KAT6B: variants seen among roughly 807,000 people sequenced by gnomAD.
KAT6B encodes the protein lysine acetyltransferase 6B.
KAT6B carries 10 observed loss-of-function variants against 187.5 expected under a neutral mutation model. The ratio of observed to expected loss-of-function variants is 0.05; its 90% CI spans 0.03 to 0.09. The LOEUF is 0.09. Ranked by LOEUF, KAT6B falls within the 10% of genes least tolerant of loss-of-function variation. The pLI, the probability that KAT6B is intolerant of heterozygous loss-of-function variation, is 1.00. For synonymous variants in KAT6B, 861 were observed against 926.8 expected (o/e 0.93, Z 1.29); for missense variants, 1,952 against 2,558.9 (o/e 0.76, Z 5.12).
Position 75,031,091 on chromosome 10 carries a change from T to C in KAT6B, c.*45T>C, listed in dbSNP as rs886047246. 13 of 1,607,828 alleles carry C rather than the reference T, an allele frequency of 8.1e-6. No individual in the cohort carries two copies. Among genetic ancestry groups the C allele is most frequent in the Middle Eastern group, 3.3e-4 (2 of 6,058 alleles). On this transcript the variant is annotated 3_prime_UTR_variant, in exon 18 of 18. Transcript: ENST00000287239. The stretch of plus-strand genomic sequence containing the variant: ...AAACCTACGGGGCATCACTATTGGA[T>C]TGATCTGCACAAATACCTTTGAAGA...
chr10:74,966,672 G>A lies in KAT6B; in HGVS notation c.731-2988G>A, dbSNP rs550622490. On this transcript the variant is annotated intron_variant, in intron 4 of 17. Transcript: ENST00000287239. ...ATCTGATAAATTGCAAAATACAATA[G>A]TAAAACAAACTCCAGAAAGACAAAG... is the stretch of plus-strand genomic sequence containing the variant. Among the ~76,000 whole-genome samples, 3 of 152,302 alleles carry A rather than the reference G, an allele frequency of 2.0e-5. 1 individual carries two copies. Among genetic ancestry groups the A allele is most frequent in the African/African-American group, 7.2e-5 (3 of 41,568 alleles).
intron 3 of KAT6B, among the ~76,000 whole-genome samples, chr10:74,907,309 G>A (rs374130523): frequency 1.6e-4 from 24 of 152,268 alleles, no homozygotes; most frequent in African/African-American, 5.3e-4. Context: ...TTAGAGACTA[G>A]CCAGTACAGA....
intron 17 of KAT6B, 120 bp downstream of exon 17, chr10:75,025,369 G>A (rs1845743739): frequency 1.1e-6 from 1 of 950,768 alleles, no homozygotes; most frequent in Non-Finnish European, 1.6e-6. Flanking sequence ...GATGCACCTG[G>A]AGCAAGTGCC....
At chr10:74,904,050 A>G (rs1389113839) in intron 3 of KAT6B, among the ~76,000 whole-genome samples, 2 of 152,186 alleles carry the variant, frequency 1.3e-5, no homozygotes, top group African/African-American at 4.8e-5. Context: ...ATGGCATCCA[A>G]ACCATGAGTT....
At chr10:75,006,290 T>G (rs2134012182) in intron 13 of KAT6B, among the ~76,000 whole-genome samples, 1 of 152,288 alleles carries the variant, frequency 6.6e-6, no homozygotes, top group Admixed American at 6.5e-5. Flanking sequence ...AAGTTCATAA[T>G]GATACTAAAA....
chr10:74,854,669 C>T (rs1205874697), intron 3 of KAT6B, among the ~76,000 whole-genome samples: 4 of 152,052 alleles, frequency 2.6e-5, no homozygotes, highest in Non-Finnish European at 5.9e-5. Context: ...ATTCTTTAGC[C>T]ACTATTTTTT....
At chr10:74,924,915 G>A (rs1393190742) in intron 3 of KAT6B, among the ~76,000 whole-genome samples, 1 of 151,302 alleles carries the variant, frequency 6.6e-6, no homozygotes, top group African/African-American at 2.4e-5. Flanking sequence ...TTTCAGCTGT[G>A]TTCTAATTGA....
chr10:74,862,450 A>T (rs145924472), intron 3 of KAT6B, among the ~76,000 whole-genome samples: 46 of 152,282 alleles, frequency 3.0e-4, no homozygotes, highest in African/African-American at 1.0e-3. Context: ...TAAACGTTAG[A>T]TGCCCAGATC....
intron 1 of KAT6B, among the ~76,000 whole-genome samples, chr10:74,829,239 A>G (rs1176504930): frequency 1.3e-5 from 2 of 152,200 alleles, no homozygotes; most frequent in African/African-American, 4.8e-5. Context: ...TGTGAGGCAT[A>G]GCATGAATGA....
chr10:74,996,872 A>T (rs976944935), intron 13 of KAT6B, among the ~76,000 whole-genome samples: 1 of 152,050 alleles, frequency 6.6e-6, no homozygotes, highest in African/African-American at 2.4e-5. Context: ...ATGAAAGAAT[A>T]TGCAGATAGA....
chr10:74,857,228 A>G (rs1842882549), intron 3 of KAT6B, among the ~76,000 whole-genome samples: 1 of 152,246 alleles, frequency 6.6e-6, no homozygotes, highest in South Asian at 2.1e-4. Context: ...TCGGTAGGTC[A>G]GAAGTCCAAC....
intron 3 of KAT6B, among the ~76,000 whole-genome samples, chr10:74,959,167 T>G (rs1441464905): frequency 6.6e-6 from 1 of 152,210 alleles, no homozygotes; most frequent in African/African-American, 2.4e-5. Flanking sequence ...TTGTTAATAA[T>G]GACCTTTTCA....
intron 3 of KAT6B, among the ~76,000 whole-genome samples, chr10:74,887,084 C>T (rs1029753252): frequency 3.3e-5 from 5 of 152,036 alleles, no homozygotes; most frequent in Non-Finnish European, 7.4e-5. Flanking sequence ...GGGACTGTCT[C>T]GCAGGGACTA....
chr10:74,888,087 T>C (rs1845412861), intron 3 of KAT6B, among the ~76,000 whole-genome samples: 1 of 152,214 alleles, frequency 6.6e-6, no homozygotes, highest in Non-Finnish European at 1.5e-5. Flanking sequence ...TCAGGATAGC[T>C]GTATGGAAAT....
At chr10:74,896,049 ACT>A (rs1436079373) in intron 3 of KAT6B, among the ~76,000 whole-genome samples, 2 of 151,416 alleles carry the variant, frequency 1.3e-5, no homozygotes, top group Non-Finnish European at 2.9e-5. Context: ...TCCTTTAAAG[ACT>A]CAGCCCAGAT....
intron 3 of KAT6B, among the ~76,000 whole-genome samples, chr10:74,948,054 A>G (rs1840070240): frequency 6.6e-6 from 1 of 152,198 alleles, no homozygotes; most frequent in African/African-American, 2.4e-5. Context: ...AGAGCTCTTG[A>G]CCTTCAGGTA....
intron 3 of KAT6B, among the ~76,000 whole-genome samples, chr10:74,929,724 G>C (rs562515613): frequency 6.6e-6 from 1 of 152,250 alleles, no homozygotes; most frequent in Admixed American, 6.5e-5. Flanking sequence ...TTTATACCAA[G>C]TAATTATTTA....
chr10:74,884,486 AT>A (rs1046781003), intron 3 of KAT6B, among the ~76,000 whole-genome samples: 2 of 152,206 alleles, frequency 1.3e-5, no homozygotes, highest in African/African-American at 4.8e-5. Context: ...TGTTGTTTTA[AT>A]TAAAGGAGCA....
At chr10:74,918,956 G>A (rs1392858736) in intron 3 of KAT6B, among the ~76,000 whole-genome samples, 1 of 151,860 alleles carries the variant, frequency 6.6e-6, no homozygotes, top group South Asian at 2.1e-4. Context: ...GGTGGCTCAC[G>A]CTTGTAATCC....
Sources: gnomAD v4.1 joint callset for allele counts (sites outside exome capture counted in the v4.1 genomes callset) on GRCh38, gnomAD v4.1.1 for gene constraint, MANE v1.5 for transcripts, NCBI Gene and HGNC (gene_info 2026-07-23, HGNC 2026-07-21) for gene names.